IFT43: variants seen among roughly 807,000 people sequenced by gnomAD.
The protein encoded by IFT43 is intraflagellar transport 43.
In IFT43, 33 loss-of-function variants were observed where a neutral mutation model predicts 32.3. The ratio of observed to expected loss-of-function variants is 1.02; its 90% CI spans 0.77 to 1.37. IFT43 has a LOEUF of 1.37. Ranked by LOEUF, IFT43 falls within the 40% of genes most tolerant of loss-of-function variation. IFT43 has a pLI of 0.00. For missense variants in IFT43, 274 were observed against 265.9 expected, an observed-to-expected ratio of 1.03 and a Z score of -0.21; for synonymous variants, 93 against 98.2, an observed-to-expected ratio of 0.95 and a Z score of 0.31.
intron 3 of IFT43, among the ~76,000 whole-genome samples, chr14:76,026,634 G>A (rs780673664): frequency 6.6e-5 from 10 of 152,034 alleles, no homozygotes; most frequent in African/African-American, 1.9e-4. Flanking sequence ...CAGTGTTAGC[G>A]TGAGTGTAAA....
intron 2 of IFT43, among the ~76,000 whole-genome samples, chr14:76,001,047 C>A (rs1025380162): frequency 6.6e-6 from 1 of 152,162 alleles, no homozygotes; most frequent in Non-Finnish European, 1.5e-5. Flanking sequence ...GAACCTATAG[C>A]ATGAACTCCC....
At chr14:76,029,475 C>T (rs1442772499) in intron 3 of IFT43, among the ~76,000 whole-genome samples, 4 of 152,162 alleles carry the variant, frequency 2.6e-5, no homozygotes. Context: ...TTAGATCCCA[C>T]TTGTCAATTT....
intron 3 of IFT43, among the ~76,000 whole-genome samples, chr14:76,025,539 C>T (rs2036374877): frequency 6.6e-6 from 1 of 152,282 alleles, no homozygotes; most frequent in Non-Finnish European, 1.5e-5. Context: ...AGGCATCACA[C>T]TACCCAACTT....
chr14:76,021,585 G>T (rs1261498556), intron 2 of IFT43, among the ~76,000 whole-genome samples: 1 of 152,026 alleles, frequency 6.6e-6, no homozygotes, highest in African/African-American at 2.4e-5. Context: ...CTTATAACAT[G>T]GCTTTTTGTT....
intron 2 of IFT43, among the ~76,000 whole-genome samples, chr14:76,013,278 AC>A (rs1321379118): frequency 6.6e-6 from 1 of 152,146 alleles, no homozygotes; most frequent in Non-Finnish European, 1.5e-5. Flanking sequence ...TGTGGGAAGG[AC>A]CCCTGGTCCA....
intron 3 of IFT43, among the ~76,000 whole-genome samples, chr14:76,057,418 A>G (rs948531070): frequency 6.6e-6 from 1 of 152,026 alleles, no homozygotes; most frequent in Non-Finnish European, 1.5e-5. Context: ...TTTAGTAGAG[A>G]TGGGGTTTCA....
intron 2 of IFT43, among the ~76,000 whole-genome samples, chr14:76,020,607 A>G (rs916836537): frequency 2.6e-5 from 4 of 151,880 alleles, no homozygotes; most frequent in Non-Finnish European, 5.9e-5. Flanking sequence ...TGTAGTTTTT[A>G]TATATCTTCA....
At chr14:76,065,717 A>G (rs962908629) in intron 5 of IFT43, among the ~76,000 whole-genome samples, 3 of 152,052 alleles carry the variant, frequency 2.0e-5, no homozygotes, top group Admixed American at 6.5e-5. Flanking sequence ...ATTCCATTGT[A>G]TGGACATACC....
intron 3 of IFT43, among the ~76,000 whole-genome samples, chr14:76,045,678 T>G (rs2036794940): frequency 6.6e-6 from 1 of 152,196 alleles, no homozygotes; most frequent in Non-Finnish European, 1.5e-5. Flanking sequence ...GTGGGATGGC[T>G]GCTATACTGC....
intron 8 of IFT43, 32 bp from the exon 9 acceptor site, chr14:76,083,426 T>C: frequency 7.4e-6 from 12 of 1,614,092 alleles, no homozygotes; most frequent in South Asian, 1.1e-5. Flanking sequence ...AAGGCCTTTC[T>C]TTGTCTTACC....
intron 5 of IFT43, among the ~76,000 whole-genome samples, chr14:76,067,981 G>T (rs2037255563): frequency 1.3e-5 from 2 of 152,250 alleles, no homozygotes; most frequent in African/African-American, 4.8e-5. Context: ...ACCAGACCTT[G>T]TGGGGCACTG....
intron 3 of IFT43, among the ~76,000 whole-genome samples, chr14:76,048,542 G>C (rs956016729): frequency 2.0e-5 from 3 of 152,188 alleles, no homozygotes; most frequent in Admixed American, 1.3e-4. Context: ...TTTGAGTCCT[G>C]TATGGAGAAG....
chr14:76,075,029 C>T (rs776293183), intron 5 of IFT43, among the ~76,000 whole-genome samples: 13 of 152,200 alleles, frequency 8.5e-5, no homozygotes, highest in Non-Finnish European at 1.6e-4. Flanking sequence ...GGCATTTCAA[C>T]GTATGGGCAC....
At chr14:76,046,121 G>C (rs773753902) in intron 3 of IFT43, among the ~76,000 whole-genome samples, 1 of 152,138 alleles carries the variant, frequency 6.6e-6, no homozygotes, top group South Asian at 2.1e-4. Flanking sequence ...GCCAGAAAAA[G>C]TTGCTTTTTA....
rs181427483 is a variant in IFT43, at chr14:75,997,851, T to G, written c.147+8874T>G. Among the ~76,000 whole-genome samples the G allele has an allele frequency of 5.1e-4, 78 of 152,318 alleles. 1 individual carries two copies. Among genetic ancestry groups the G allele is most frequent in the African/African-American group, 1.7e-3 (71 of 41,576 alleles). ...CTCATAACTGGTCCCTCCTCTTATATTCCCACTGTCCTGCAGTTTAGCTAG... is the reference window on the plus strand; with the variant it reads ...CTCATAACTGGTCCCTCCTCTTATAGTCCCACTGTCCTGCAGTTTAGCTAG... On this transcript the variant is annotated intron_variant, in intron 2 of 8. Coordinates refer to ENST00000314067, the MANE Select transcript of IFT43 (RefSeq NM_001102564.3).
At chr14:76,078,630 A>T (rs1487822033) in intron 5 of IFT43, among the ~76,000 whole-genome samples, 3 of 152,256 alleles carry the variant, frequency 2.0e-5, no homozygotes, top group Non-Finnish European at 4.4e-5. Flanking sequence ...CAGCTGTGAG[A>T]TAGCCAACGT....
intron 5 of IFT43, among the ~76,000 whole-genome samples, chr14:76,070,467 C>G (rs544833094): frequency 2.0e-5 from 3 of 152,174 alleles, no homozygotes; most frequent in Non-Finnish European, 4.4e-5. Context: ...AAGAACATTT[C>G]GTTATGTTGG....
chr14:76,044,093 A>G (rs1379090797), intron 3 of IFT43, among the ~76,000 whole-genome samples: 2 of 149,016 alleles, frequency 1.3e-5, no homozygotes, highest in African/African-American at 5.0e-5. Flanking sequence ...TCAGTCGCCC[A>G]GGCTGGAATG....
chr14:76,055,341 G>C (rs2036991942), intron 3 of IFT43, among the ~76,000 whole-genome samples: 1 of 148,508 alleles, frequency 6.7e-6, no homozygotes, highest in South Asian at 2.1e-4. Flanking sequence ...GTGAGACCCT[G>C]TCTCTAAAAA....
Sources: allele counts gnomAD v4.1 joint callset (sites outside exome capture counted in the v4.1 genomes callset), GRCh38; gene constraint gnomAD v4.1.1; transcripts MANE v1.5; gene names NCBI Gene and HGNC (gene_info 2026-07-23, HGNC 2026-07-21).